DMTF1: variants seen among roughly 807,000 people sequenced by gnomAD.
DMTF1 encodes cyclin-D-binding Myb-like transcription factor 1.
In DMTF1, 39 loss-of-function variants were observed where a neutral mutation model predicts 91.1. The ratio of observed to expected loss-of-function variants is 0.43; its 90% CI spans 0.33 to 0.56. DMTF1 has a LOEUF of 0.56. Among genes scored for constraint, DMTF1 ranks in the 20% least tolerant of loss-of-function variants. The pLI is 0.05. For missense variants in DMTF1, 750 were observed against 914.5 expected (o/e 0.82, Z 2.32); for synonymous variants, 338 against 309.5 (o/e 1.09, Z -0.97).
chr7:87,186,034 C>G, intron 12 of DMTF1, 54 bp downstream of exon 12: 1 of 1,592,128 alleles, frequency 6.3e-7, no homozygotes. Context: ...ATATTTACTC[C>G]TTAGGAGTGA....
intron 4 of DMTF1, among the ~76,000 whole-genome samples, chr7:87,168,912 A>G (rs1794455890): frequency 3.3e-5 from 5 of 152,202 alleles, no homozygotes; most frequent in Admixed American, 3.3e-4. Context: ...CCTCTTCACA[A>G]AGAAAATGGA....
chr7:87,165,924 A>G (rs557934136), intron 3 of DMTF1, among the ~76,000 whole-genome samples: 1 of 152,292 alleles, frequency 6.6e-6, no homozygotes, highest in South Asian at 2.1e-4. Flanking sequence ...CTCATTTCTC[A>G]TCTAGGTAGC....
At chr7:87,193,077 T>G in intron 14 of DMTF1, 121 bp from the exon 15 acceptor site, 1 of 978,698 alleles carries the variant, frequency 1.0e-6, no homozygotes, top group Middle Eastern at 2.2e-4. Flanking sequence ...CTACATTGTA[T>G]TACTTGTTCG....
rs375005251 is a variant in DMTF1, at chr7:87,174,716, A to G, written c.519+47A>G. On this transcript the variant is annotated intron_variant, in intron 7 of 17. Coordinates refer to ENST00000331242, the MANE Select transcript of DMTF1 (RefSeq NM_001142327.2). ...TGTTTCACCAATTTGTTTATTGCCA[A>G]TTGCAAAAATATCAACACAGAATGT... is the stretch of plus-strand genomic sequence containing the variant. 5.8e-4 allele frequency: 774 copies of G among 1,335,424 alleles called. 9 individuals are homozygous for G. In the South Asian group the frequency reaches 7.4e-3, roughly 13 times the overall value. 82.7% of individuals were successfully genotyped at this position (1,335,424 alleles called of 1,614,324 possible).
intron 9 of DMTF1, 156 bp from the exon 10 acceptor site, chr7:87,182,072 A>G (rs1410690879): frequency 1.3e-6 from 2 of 1,537,890 alleles, no homozygotes; most frequent in Non-Finnish European, 1.7e-6. Context: ...GTGGACCCCA[A>G]AAAAAGGCCA....
Position 87,194,715 on chromosome 7 carries a change from T to C in DMTF1, c.2060T>C (p.Val687Ala), listed in dbSNP as rs1313712387. ...GAGTCTCCCACTATAGAAGAACAAG[T>C]TGATCAAACAATTGATGATGAAACA... ...GLESPTIEEQ[V>A]DQTIDDETIL... Residue 687 changes from valine (V) to alanine (A), a missense_variant, in exon 17 of 18, where the codon GTT becomes GCT. By Grantham distance (64) the Val-to-Ala change is moderately conservative (BLOSUM62 0). Around this residue, in one of 3 missense-constraint regions of DMTF1, gnomAD observed 410 missense variants for 420.2 expected, o/e 0.98. Coordinates refer to ENST00000331242, the MANE Select transcript of DMTF1 (RefSeq NM_001142327.2). The C allele has an allele frequency of 6.2e-7, 1 of 1,610,760 alleles. No homozygotes were observed. The highest frequency in any genetic ancestry group is 2.2e-5 in the East Asian group (1 of 44,752).
At chr7:87,182,927 C>T (rs1797671956) in intron 10 of DMTF1, among the ~76,000 whole-genome samples, 1 of 152,154 alleles carries the variant, frequency 6.6e-6, no homozygotes, top group Admixed American at 6.5e-5. Context: ...CTAATCTTTG[C>T]GACCAACAAC....
chr7:87,185,977 C>G lies in DMTF1; in HGVS notation c.1198C>G (p.Pro400Ala). ...QIANHKDVSF[P>A]VLIKGLKQLH... ...TGCAAACCATAAGGATGTTTCGTTC[C>G]CTGGTAATGTATTACTTACTTTTTA... The change falls in exon 12 of 18, where the codon CCT (proline) becomes GCT (alanine). Residue 400 changes from proline to alanine, a missense_variant. By Grantham distance (27) the Pro-to-Ala change is conservative. Transcript: ENST00000331242. 1 of 1,613,626 alleles carries G rather than the reference C, an allele frequency of 6.2e-7. No homozygotes were observed. The highest frequency in any genetic ancestry group is 8.5e-7 in the Non-Finnish European group (1 of 1,179,704).
At chr7:87,164,599 T>C (rs1457482740) in intron 2 of DMTF1, among the ~76,000 whole-genome samples, 2 of 152,218 alleles carry the variant, frequency 1.3e-5, no homozygotes, top group African/African-American at 2.4e-5. Context: ...AAGCTGTCCA[T>C]AAAAACACAG....
At chr7:87,188,438 GT>G in intron 13 of DMTF1, 137 bp downstream of exon 13, 1 of 846,954 alleles carries the variant, frequency 1.2e-6, no homozygotes, top group Non-Finnish European at 1.9e-6. Context: ...AAGATATTTT[GT>G]TTAGTTCAGT....
At position 87,181,892 on chromosome 7, in the gene DMTF1, GT is replaced by G. The variant is rs1562830130; in HGVS notation, c.711-333del. The G allele has an allele frequency of 5.1e-6, 3 of 584,976 alleles. No individual in the cohort carries two copies. The East Asian group carries it at 1.4e-4, about 28-fold the overall frequency. The allele number at this position is 584,976 out of a possible 1,614,324, so 36.2% of individuals were successfully genotyped here. The stretch of plus-strand genomic sequence containing the variant: ...TGAAACTTTAGATGTCTAAAGAAGA[GT>G]TTGTTGGGTATATGCTCAAAAGGGA... On this transcript the variant is annotated intron_variant, in intron 9 of 17. Coordinates refer to ENST00000331242, the MANE Select transcript of DMTF1 (RefSeq NM_001142327.2).
chr7:87,176,765 T>C (rs780483983), intron 7 of DMTF1, among the ~76,000 whole-genome samples: 1 of 152,192 alleles, frequency 6.6e-6, no homozygotes, highest in African/African-American at 2.4e-5. Flanking sequence ...AGATGATTTG[T>C]TCAATTTTGG....
At chr7:87,177,323 C>T (rs996943800) in intron 7 of DMTF1, among the ~76,000 whole-genome samples, 3 of 151,926 alleles carry the variant, frequency 2.0e-5, no homozygotes, top group Admixed American at 6.6e-5. Context: ...TTCATTTGTA[C>T]CAATCTAGTG....
chr7:87,193,745 A>C lies in DMTF1; in HGVS notation c.1671A>C (p.Thr557=), dbSNP rs759779045. Reference sequence around the variant, plus strand: ...TATAGCCAGAACATTTGTTGAACACAAGTGATAATGTTACAGTGCAGTGTC... The same window carrying C: ...TATAGCCAGAACATTTGTTGAACACCAGTGATAATGTTACAGTGCAGTGTC... The part of the protein sequence containing the change: ...HALSPEHLLN[T]SDNVTVQCHT... Residue 557 remains threonine (T), a synonymous_variant, in exon 16 of 18, where the codon ACA becomes ACC. Transcript: ENST00000331242. The C allele has an allele frequency of 1.2e-6, 2 of 1,603,294 alleles. No individual in the cohort carries two copies. The highest frequency in any genetic ancestry group is 2.2e-5 in the South Asian group (2 of 89,034).
chr7:87,182,119 A>T (rs1276954083), intron 9 of DMTF1, 109 bp from the exon 10 acceptor site: 3 of 1,560,434 alleles, frequency 1.9e-6, no homozygotes, highest in Admixed American at 3.8e-5. Context: ...ATTGCTGCCC[A>T]CAACTTCCAA....
chr7:87,161,606 A>T (rs112035822), intron 1 of DMTF1, among the ~76,000 whole-genome samples: 1 of 152,248 alleles, frequency 6.6e-6, no homozygotes, highest in African/African-American at 2.4e-5. Context: ...TGATTGAACA[A>T]ATAAGCTTGA....
intron 15 of DMTF1, 53 bp from the exon 16 acceptor site, chr7:87,193,672 C>A: frequency 6.8e-7 from 1 of 1,480,088 alleles, no homozygotes; most frequent in Non-Finnish European, 9.1e-7. Context: ...GTGAGGTACC[C>A]CCATAAATGT....
At chr7:87,185,385 A>AT (rs113684611) in intron 11 of DMTF1, among the ~76,000 whole-genome samples, 7,318 of 151,254 alleles carry the variant, frequency 0.048, 244 homozygotes, top group African/African-American at 0.09. Context: ...TTTGTTTTGG[A>AT]TTTTTTTTTC....
At chr7:87,158,381 C>T (rs1490602829) in intron 1 of DMTF1, among the ~76,000 whole-genome samples, 2 of 151,940 alleles carry the variant, frequency 1.3e-5, no homozygotes, top group African/African-American at 2.4e-5. Context: ...AATTCTGTAC[C>T]ATTATTTAAA....
Sources: allele counts gnomAD v4.1 joint callset (sites outside exome capture counted in the v4.1 genomes callset), GRCh38; gene constraint gnomAD v4.1.1; regional missense constraint gnomAD v4.1.1; transcripts MANE v1.5; gene names NCBI Gene and HGNC (gene_info 2026-07-23, HGNC 2026-07-21).